The following DHRSX variants were observed in gnomAD, a reference collection of about 807,000 sequenced individuals.
DHRSX encodes the protein polyprenol dehydrogenase.
DHRSX carries 31 observed loss-of-function variants against 34.0 expected under a neutral mutation model. That is an observed-to-expected ratio of 0.91 (90% CI 0.69 to 1.23). The LOEUF (loss-of-function observed/expected upper bound fraction) is 1.23. Among genes scored for constraint, DHRSX ranks in the 50% most tolerant of loss-of-function variants. The probability of loss-of-function intolerance (pLI) is 0.00; values close to 1 mark genes in which losing one functional copy is unlikely to be tolerated. For missense variants in DHRSX, 414 were observed against 428.1 expected (o/e 0.97, Z 0.29); for synonymous variants, 201 against 183.8 (o/e 1.09, Z -0.76).
At chrX:2,431,566 T>C (rs2043923340) in intron 1 of DHRSX, among the ~76,000 whole-genome samples, 1 of 152,146 alleles carries the variant, frequency 6.6e-6, no homozygotes, top group African/African-American at 2.4e-5. Context: ...CATGGAATAC[T>C]ATGCACCCAT....
chrX:2,420,024 G>A (rs1421831642), intron 2 of DHRSX, among the ~76,000 whole-genome samples: 1 of 152,090 alleles, frequency 6.6e-6, no homozygotes, highest in Non-Finnish European at 1.5e-5. Flanking sequence ...GGCTACAGCA[G>A]CCCAAACACA....
chrX:2,420,322 C>T (rs1290553954), intron 2 of DHRSX, among the ~76,000 whole-genome samples: 2 of 152,008 alleles, frequency 1.3e-5, no homozygotes, highest in African/African-American at 2.4e-5. Context: ...GCAGGAGAAT[C>T]GCTTCAACCC....
intron 3 of DHRSX, among the ~76,000 whole-genome samples, chrX:2,312,279 A>C (rs916190964): frequency 1.8e-4 from 28 of 152,228 alleles, no homozygotes; most frequent in Middle Eastern, 6.8e-3. Flanking sequence ...ATGAAGAAGA[A>C]AGTCACAGTA....
At chrX:2,460,063 A>G (rs1179259308) in intron 1 of DHRSX, among the ~76,000 whole-genome samples, 1 of 152,110 alleles carries the variant, frequency 6.6e-6, no homozygotes, top group African/African-American at 2.4e-5. Context: ...AGCCGAGATC[A>G]TGCCATTGCA....
intron 4 of DHRSX, among the ~76,000 whole-genome samples, chrX:2,284,926 G>T (rs758072097): frequency 6.6e-6 from 1 of 152,158 alleles, no homozygotes; most frequent in Non-Finnish European, 1.5e-5. Flanking sequence ...AGAAAAGCAC[G>T]AAGTGTAGCT....
chrX:2,238,257 G>A (rs2016061630), intron 6 of DHRSX, among the ~76,000 whole-genome samples: 1 of 152,076 alleles, frequency 6.6e-6, no homozygotes, highest in African/African-American at 2.4e-5. Flanking sequence ...CTCGGGAGGT[G>A]GAGGTGGGGT....
chrX:2,404,034 AT>A (rs1218781328), intron 3 of DHRSX, among the ~76,000 whole-genome samples: 2 of 152,142 alleles, frequency 1.3e-5, no homozygotes, highest in African/African-American at 4.8e-5. Flanking sequence ...AGCCGTTCAG[AT>A]TAAAAGCAAA....
At chrX:2,498,438 A>T (rs2045332377) in intron 1 of DHRSX, among the ~76,000 whole-genome samples, 2 of 152,284 alleles carry the variant, frequency 1.3e-5, no homozygotes, top group Admixed American at 1.3e-4. Context: ...CTCCACTGGT[A>T]TCGAAAATTA....
chrX:2,256,262 G>C (rs2041277126), intron 5 of DHRSX, among the ~76,000 whole-genome samples: 1 of 147,204 alleles, frequency 6.8e-6, no homozygotes, highest in African/African-American at 2.5e-5. Context: ...CAAAGTGCTG[G>C]GATGACAGAC....
chrX:2,304,027 G>T (rs1602904486), intron 3 of DHRSX, among the ~76,000 whole-genome samples: 1 of 76,114 alleles, frequency 1.3e-5, no homozygotes, highest in African/African-American at 9.3e-5. Context: ...ATGAACTGAT[G>T]GATGGATGGA....
chrX:2,360,181 C>T (rs1005244486), intron 3 of DHRSX, among the ~76,000 whole-genome samples: 1 of 151,764 alleles, frequency 6.6e-6, no homozygotes, highest in Non-Finnish European at 1.5e-5. Context: ...TTGCCACCCA[C>T]GGCAAAAAGA....
At chrX:2,242,421 T>C (rs1386687773) in intron 6 of DHRSX, among the ~76,000 whole-genome samples, 1 of 151,892 alleles carries the variant, frequency 6.6e-6, no homozygotes, top group Non-Finnish European at 1.5e-5. Context: ...AGCCTGGAAG[T>C]GGTTGTGTCA....
intron 1 of DHRSX, among the ~76,000 whole-genome samples, chrX:2,442,721 T>C (rs1162682794): frequency 6.6e-6 from 1 of 152,138 alleles, no homozygotes; most frequent in African/African-American, 2.4e-5. Flanking sequence ...TACCATCTTC[T>C]GGAAATTGAG....
intron 1 of DHRSX, among the ~76,000 whole-genome samples, chrX:2,426,463 C>T (rs373536224): frequency 2.1e-5 from 3 of 139,828 alleles, no homozygotes; most frequent in African/African-American, 8.0e-5. Context: ...TCTTTCCTTC[C>T]CTCCCTCCTT....
In DHRSX at chrX:2,263,219, T is replaced by G. The variant is rs763564200; in HGVS notation, c.596+3521A>C. Reference sequence around the variant, plus strand: ...CTGTGTCTGTCTCCAAATTCCTACATGGAAATCCTCATCCCCCGTGAGATG... The same window carrying G: ...CTGTGTCTGTCTCCAAATTCCTACAGGGAAATCCTCATCCCCCGTGAGATG... On this transcript the variant is annotated intron_variant, in intron 5 of 6. Transcript: ENST00000334651. Among the ~76,000 whole-genome samples, 14 of 152,250 alleles carry G rather than the reference T, an allele frequency of 9.2e-5. No homozygotes were observed. The East Asian group carries it at 2.7e-3, about 30-fold the overall frequency.
rs1439922088 is a variant in DHRSX, at chrX:2,485,802, GGAA to G, written c.109+15012_109+15014del. Among the ~76,000 whole-genome samples the G allele has an allele frequency of 1.1e-4, 4 of 34,828 alleles. 1 individual carries two copies. Among genetic ancestry groups the G allele is most frequent in the Non-Finnish European group, 2.2e-4 (4 of 18,404 alleles). 22.8% of individuals were successfully genotyped at this position (34,828 alleles called of 152,430 possible). On this transcript the variant is annotated intron_variant, in intron 1 of 6. Transcript: ENST00000334651. ...GAGAAAAGGGAGAGAAGGGAGAGAA[GGAA>G]GGAAGGGAGAGAAGGAAGGAAGGGA...
chrX:2,244,257 A>T (rs1384473408), intron 5 of DHRSX, among the ~76,000 whole-genome samples: 1 of 152,072 alleles, frequency 6.6e-6, no homozygotes, highest in Non-Finnish European at 1.5e-5. Flanking sequence ...CACAGGACAT[A>T]GTGATAAAAA....
chrX:2,477,335 C>G (rs1181365684), intron 1 of DHRSX, among the ~76,000 whole-genome samples: 12 of 152,180 alleles, frequency 7.9e-5, no homozygotes, highest in Admixed American at 7.9e-4. Context: ...GCATCCTCAC[C>G]AGCCTCAGGA....
At chrX:2,490,600 C>A (rs2045110610) in intron 1 of DHRSX, 5 of 1,613,860 alleles carry the variant, frequency 3.1e-6, no homozygotes, top group African/African-American at 2.7e-5. Context: ...TCTTCCACTG[C>A]AGGATGCATC....
Sources: allele counts gnomAD v4.1 joint callset (sites outside exome capture counted in the v4.1 genomes callset), GRCh38; gene constraint gnomAD v4.1.1; transcripts MANE v1.5; gene names NCBI Gene and HGNC (gene_info 2026-07-23, HGNC 2026-07-21).